KCNA6: variants seen among roughly 807,000 people sequenced by gnomAD.
KCNA6 encodes the protein potassium voltage-gated channel subfamily A member 6, also known as human brain potassium channel-2.
KCNA6 carries 17 observed loss-of-function variants against 29.5 expected under a neutral mutation model. That is an observed-to-expected ratio of 0.58 (90% CI 0.39 to 0.86). The LOEUF is 0.86. KCNA6 is among the 40% of genes least tolerant of loss of function. KCNA6 has a pLI of 0.00. For missense variants in KCNA6, 450 were observed against 703.4 expected (o/e 0.64, Z 4.07); for synonymous variants, 296 against 304.7 (o/e 0.97, Z 0.30).
chr12:4,823,095 G>C, the KCNA6 span, among the ~76,000 whole-genome samples: 15 of 152,278 alleles, frequency 9.9e-5, 1 homozygote, highest in Admixed American at 9.8e-4. Flanking sequence ...TCCATCATGA[G>C]CCTTACATTT....
chr12:4,824,664 C>G, the KCNA6 span, among the ~76,000 whole-genome samples: 3 of 152,194 alleles, frequency 2.0e-5, no homozygotes, highest in South Asian at 6.2e-4. Flanking sequence ...TCTCATGACT[C>G]AGCTATTCAC....
At chr12:4,838,498 T>C in the KCNA6 span, among the ~76,000 whole-genome samples, 1 of 152,190 alleles carries the variant, frequency 6.6e-6, no homozygotes, top group African/African-American at 2.4e-5. Context: ...GCTTTTCAAG[T>C]GTAGCCTACA....
At chr12:4,820,897 AT>A in the KCNA6 span, among the ~76,000 whole-genome samples, 4 of 152,032 alleles carry the variant, frequency 2.6e-5, no homozygotes, top group African/African-American at 9.7e-5. Flanking sequence ...TTAAGGCTTT[AT>A]TTTTTCTGTT....
At chr12:4,849,420 C>G in the KCNA6 span, among the ~76,000 whole-genome samples, 3 of 148,958 alleles carry the variant, frequency 2.0e-5, no homozygotes, top group Non-Finnish European at 3.0e-5. Flanking sequence ...CCAAAGAAAA[C>G]TTTGACCATT....
At chr12:4,829,267 C>A in the KCNA6 span, among the ~76,000 whole-genome samples, 1 of 152,100 alleles carries the variant, frequency 6.6e-6, no homozygotes, top group Admixed American at 6.5e-5. Context: ...CTACTGTAAC[C>A]CCATCCCCCC....
chr12:4,837,956 G>A, the KCNA6 span, among the ~76,000 whole-genome samples: 3 of 151,992 alleles, frequency 2.0e-5, no homozygotes, highest in African/African-American at 7.3e-5. Context: ...TTGTATTTGG[G>A]TGCTGCTGCG....
chr12:4,848,998 T>A, the KCNA6 span, among the ~76,000 whole-genome samples: 1 of 146,726 alleles, frequency 6.8e-6, no homozygotes, highest in Admixed American at 6.9e-5. Context: ...CGGGCGCCTG[T>A]AATCCCGGCT....
At chr12:4,833,118 A>G in the KCNA6 span, among the ~76,000 whole-genome samples, 1 of 152,194 alleles carries the variant, frequency 6.6e-6, no homozygotes, top group South Asian at 2.1e-4. Context: ...TTGAGGAAGG[A>G]CAGCTTCAGG....
the KCNA6 span, among the ~76,000 whole-genome samples, chr12:4,827,965 C>T: frequency 1.3e-5 from 2 of 152,206 alleles, no homozygotes; most frequent in Non-Finnish European, 2.9e-5. Context: ...TTTTCAGACT[C>T]TAAAAGGAAT....
the KCNA6 span, chr12:4,850,858 C>T: frequency 2.2e-6 from 1 of 450,258 alleles, no homozygotes; most frequent in Non-Finnish European, 4.5e-6. This position sits in a 1 kb window ranked among gnomAD's most constrained non-coding sequence, Gnocchi z 5.4. Context: ...GGCATCTGGC[C>T]TGACACCGCT....
the KCNA6 span, among the ~76,000 whole-genome samples, chr12:4,838,283 C>T: frequency 2.6e-5 from 4 of 152,290 alleles, no homozygotes; most frequent in African/African-American, 4.8e-5. Flanking sequence ...AGATGTTTGA[C>T]GAATAGGTTT....
chr12:4,836,332 A>G, the KCNA6 span, among the ~76,000 whole-genome samples: 2 of 152,148 alleles, frequency 1.3e-5, no homozygotes, highest in African/African-American at 2.4e-5. Context: ...CTCTGCAGTA[A>G]GTGATACTGT....
At chr12:4,839,578 C>T in the KCNA6 span, among the ~76,000 whole-genome samples, 4 of 152,224 alleles carry the variant, frequency 2.6e-5, no homozygotes, top group East Asian at 3.9e-4. Flanking sequence ...GCTCAGGGGT[C>T]GGCACCCCTA....
the KCNA6 span, among the ~76,000 whole-genome samples, chr12:4,824,062 T>A: frequency 1.3e-5 from 2 of 152,140 alleles, no homozygotes; most frequent in Non-Finnish European, 2.9e-5. Flanking sequence ...CGGGGAGAGT[T>A]CAGAACCTCA....
At chr12:4,845,935 C>A in the KCNA6 span, among the ~76,000 whole-genome samples, 7 of 149,192 alleles carry the variant, frequency 4.7e-5, no homozygotes, top group African/African-American at 1.7e-4. Context: ...GTACAGGTTG[C>A]GGATCCTTTA....
At chr12:4,823,910 G>A in the KCNA6 span, among the ~76,000 whole-genome samples, 1 of 152,220 alleles carries the variant, frequency 6.6e-6, no homozygotes, top group Non-Finnish European at 1.5e-5. Flanking sequence ...GCTGTGTCAG[G>A]TGAGGCAGGA....
chr12:4,810,101 A>G lies in KCNA6; in HGVS notation c.60A>G (p.Gly20=), dbSNP rs758534. ...CGGGGGAGGTCCGTGGGCCGGAGGG[A>G]GAGCAACAGGATGCGGGAGACTTCC... Residue 20 remains glycine, a synonymous_variant, in exon 1 of 1, where the codon GGA becomes GGG. Coordinates refer to ENST00000280684, the Ensembl canonical transcript of KCNA6. The surrounding 1 kb of genome is among the most constrained non-coding windows in gnomAD (Gnocchi z 7.5). The G allele has an allele frequency of 0.42, 664,672 of 1,570,446 alleles. 142,111 individuals carry two copies. Among genetic ancestry groups the G allele is most frequent in the Middle Eastern group, 0.57 (3,343 of 5,832 alleles).
Position 4,811,557 on chromosome 12 carries a change from C to T in KCNA6, c.1516C>T (p.Arg506Trp), listed in dbSNP as rs753778199. Residue 506 changes from arginine to tryptophan, a missense_variant, in exon 1 of 1, where the codon CGG becomes TGG. Coordinates refer to ENST00000280684, the Ensembl canonical transcript of KCNA6. The surrounding 1 kb of genome is among the most constrained non-coding windows in gnomAD (Gnocchi z 7.1). Reference sequence around the variant, plus strand: ...CAAGCCTGACTTCCCCGAGGCTAACCGGGAACGGAGACCCAGCTACCTTCC... The same window carrying T: ...CAAGCCTGACTTCCCCGAGGCTAACTGGGAACGGAGACCCAGCTACCTTCC... 1.8e-5 allele frequency: 29 copies of T among 1,614,110 alleles called. No individual in the cohort carries two copies. Among genetic ancestry groups the T allele is most frequent in the African/African-American group, 2.7e-5 (2 of 74,934 alleles).
chr12:4,824,277 C>T, the KCNA6 span, among the ~76,000 whole-genome samples: 6 of 152,186 alleles, frequency 3.9e-5, no homozygotes, highest in Non-Finnish European at 7.4e-5. Flanking sequence ...CTTGTCCAAA[C>T]GTTAGATACA....
Sources: allele counts gnomAD v4.1 joint callset (sites outside exome capture counted in the v4.1 genomes callset), GRCh38; gene constraint gnomAD v4.1.1; non-coding constraint Gnocchi (gnomAD v3.1); transcripts MANE v1.5; gene names NCBI Gene and HGNC (gene_info 2026-07-23, HGNC 2026-07-21).